SPICE1: variants seen among roughly 807,000 people sequenced by gnomAD.
SPICE1 encodes spindle and centriole-associated protein 1.
SPICE1 carries 75 observed loss-of-function variants against 102.7 expected under a neutral mutation model. The ratio of observed to expected loss-of-function variants is 0.73; its 90% CI spans 0.61 to 0.88. The LOEUF is 0.88. Among genes scored for constraint, SPICE1 ranks in the 40% least tolerant of loss-of-function variants. The pLI, the probability that SPICE1 is intolerant of heterozygous loss-of-function variation, is 0.00. For synonymous variants in SPICE1, 308 were observed against 350.3 expected (o/e 0.88, Z 1.35); for missense variants, 979 against 1,020.1 (o/e 0.96, Z 0.55).
In SPICE1 at chr3:113,499,597, A is replaced by C. The variant is rs1439881839; in HGVS notation, c.148-15T>G. The C allele has an allele frequency of 6.4e-7, 1 of 1,569,028 alleles. No individual in the cohort carries two copies. Among genetic ancestry groups the C allele is most frequent in the Non-Finnish European group, 8.6e-7 (1 of 1,158,566 alleles). On this transcript the variant is annotated splice_polypyrimidine_tract_variant and intron_variant, in intron 3 of 17. Coordinates refer to ENST00000295872, the MANE Select transcript of SPICE1 (RefSeq NM_144718.4). The stretch of plus-strand genomic sequence containing the variant: ...TGACGGCGTACCTATACAGAAGAGA[A>C]AAGTACATAAAGGAATGTTTCAGAC...
intron 12 of SPICE1, 48 bp downstream of exon 12, chr3:113,460,569 G>T (rs775972657): frequency 6.4e-7 from 1 of 1,551,386 alleles, no homozygotes; most frequent in Non-Finnish European, 8.7e-7. Context: ...GTTATCTAAG[G>T]CCATTAAGTA....
At chr3:113,477,939 T>TAATAA (rs200333479) in intron 7 of SPICE1, among the ~76,000 whole-genome samples, 6,250 of 147,116 alleles carry the variant, frequency 0.042, 146 homozygotes, top group East Asian at 0.1. Flanking sequence ...AGTATAATAA[T>TAATAA]AATAAAATAA....
At chr3:113,495,970 G>A (rs72946753) in intron 4 of SPICE1, among the ~76,000 whole-genome samples, 3,441 of 150,752 alleles carry the variant, frequency 0.023, 127 homozygotes, top group African/African-American at 0.079. Flanking sequence ...GTCCAAGCTT[G>A]TCCAACCTGT....
intron 14 of SPICE1, among the ~76,000 whole-genome samples, chr3:113,452,676 T>A (rs929030134): frequency 2.8e-5 from 4 of 145,118 alleles, no homozygotes; most frequent in Non-Finnish European, 4.5e-5. Flanking sequence ...AGAGTGAGAC[T>A]CCATCTCAAA....
At chr3:113,495,189 A>G (rs142359255) in intron 4 of SPICE1, among the ~76,000 whole-genome samples, 225 of 152,342 alleles carry the variant, frequency 1.5e-3, no homozygotes, top group African/African-American at 5.1e-3. Context: ...TAAAAGCCAG[A>G]TAATTCTCTC....
At chr3:113,483,042 G>A (rs553241343) in intron 7 of SPICE1, among the ~76,000 whole-genome samples, 3 of 152,306 alleles carry the variant, frequency 2.0e-5, no homozygotes, top group Non-Finnish European at 4.4e-5. Context: ...CATGAGCATG[G>A]AATGTTTTTC....
At chr3:113,458,767 G>A (rs1483820266) in intron 12 of SPICE1, among the ~76,000 whole-genome samples, 2 of 151,644 alleles carry the variant, frequency 1.3e-5, no homozygotes, top group East Asian at 1.9e-4. Flanking sequence ...AGGAAGTGAG[G>A]AGCATCTCTG....
intron 1 of SPICE1, among the ~76,000 whole-genome samples, chr3:113,510,173 A>C (rs530848765): frequency 6.6e-6 from 1 of 152,226 alleles, no homozygotes; most frequent in South Asian, 2.1e-4. Flanking sequence ...GAATCAATAC[A>C]GTGAAAATAG....
intron 7 of SPICE1, among the ~76,000 whole-genome samples, chr3:113,475,519 G>C (rs1471236024): frequency 6.6e-6 from 1 of 151,928 alleles, no homozygotes; most frequent in Non-Finnish European, 1.5e-5. Context: ...GATGAACATT[G>C]ATGCAAAAAT....
chr3:113,467,599 C>A (rs4682489), intron 10 of SPICE1, among the ~76,000 whole-genome samples: 27,264 of 152,206 alleles, frequency 0.18, 3,185 homozygotes, highest in East Asian at 0.42. Context: ...CCACACCCAG[C>A]CAAACAAAGA....
chr3:113,453,594 T>G lies in SPICE1; in HGVS notation c.2014A>C (p.Ile672Leu), dbSNP rs1195408504. ...LIQRKDIMTR[I>L]ADLTLQNSAI... ...GAATTCTGCAATGTCAAATCAGCAA[T>G]TCGTGTCATTATGTCCTTTCTTTGT... The change falls in exon 14 of 18, where the codon ATT becomes CTT. Residue 672 changes from isoleucine to leucine, a missense_variant. Coordinates refer to ENST00000295872, the MANE Select transcript of SPICE1 (RefSeq NM_144718.4). 1 of 1,614,066 alleles carries G rather than the reference T, an allele frequency of 6.2e-7. No individual in the cohort carries two copies. Among genetic ancestry groups the G allele is most frequent in the African/African-American group, 1.3e-5 (1 of 74,930 alleles).
At chr3:113,505,704 C>A (rs946351854) in intron 2 of SPICE1, among the ~76,000 whole-genome samples, 1 of 152,116 alleles carries the variant, frequency 6.6e-6, no homozygotes, top group African/African-American at 2.4e-5. Context: ...AGTTTAAGAC[C>A]AACCTGGGCA....
In SPICE1 at chr3:113,470,154, CCTT is replaced by C. The variant is rs1402647542; in HGVS notation, c.612-919_612-917del. Among the ~76,000 whole-genome samples, 7 of 152,282 alleles carry C rather than the reference CCTT, an allele frequency of 4.6e-5. No individual in the cohort carries two copies. The East Asian group carries it at 7.7e-4, about 17-fold the overall frequency. ...CTCAAAGTGCTAAAGTTACAGCCTA[CCTT>C]CTTCTGGAGGCTTAGTATAAAAGCA... On this transcript the variant is annotated intron_variant, in intron 7 of 17. Transcript: ENST00000295872.
intron 10 of SPICE1, 72 bp downstream of exon 10, chr3:113,468,067 A>G: frequency 1.9e-6 from 3 of 1,543,386 alleles, no homozygotes; most frequent in Non-Finnish European, 2.6e-6. Flanking sequence ...TGGAGGTTGC[A>G]ATAAATGGAA....
chr3:113,499,362 G>A (rs745352735), intron 4 of SPICE1, 77 bp downstream of exon 4: 2 of 1,459,372 alleles, frequency 1.4e-6, no homozygotes, highest in South Asian at 2.7e-5. Flanking sequence ...TCTCCAACGT[G>A]AATCAAATTG....
At position 113,514,898 on chromosome 3, in the gene SPICE1, TG is replaced by T; in HGVS notation, c.-3del. On this transcript the variant is annotated splice_region_variant and 5_prime_UTR_variant, in exon 1 of 18. Coordinates refer to ENST00000295872, the MANE Select transcript of SPICE1 (RefSeq NM_144718.4). Reference sequence around the variant, plus strand: ...CCAGACACGCACCCTGACACGTACTTGCACTCTCAAAACACAGAGCCGCGGC... The same window carrying T: ...CCAGACACGCACCCTGACACGTACTTCACTCTCAAAACACAGAGCCGCGGC... 1 of 1,184,724 alleles carries T rather than the reference TG, an allele frequency of 8.4e-7. No homozygotes were observed. Among genetic ancestry groups the T allele is most frequent in the Non-Finnish European group, 1.1e-6 (1 of 937,114 alleles). 73.4% of individuals were successfully genotyped at this position (1,184,724 alleles called of 1,614,324 possible).
intron 7 of SPICE1, among the ~76,000 whole-genome samples, chr3:113,473,282 T>A (rs1411319081): frequency 3.9e-5 from 6 of 152,140 alleles, no homozygotes; most frequent in Non-Finnish European, 7.4e-5. Context: ...AATATGGGAC[T>A]ATGTGAAAAG....
chr3:113,485,690 G>T (rs1217715120), intron 7 of SPICE1, among the ~76,000 whole-genome samples: 4 of 152,208 alleles, frequency 2.6e-5, no homozygotes, highest in Admixed American at 6.5e-5. Flanking sequence ...CGGCTCTGAA[G>T]AAAGCAGCGG....
At chr3:113,502,665 A>AG (rs1387642582) in intron 3 of SPICE1, among the ~76,000 whole-genome samples, 1,053 of 101,592 alleles carry the variant, frequency 0.01, 13 homozygotes, top group African/African-American at 0.034. Context: ...TAAATCTTAA[A>AG]AAAAAAAAAA....
Sources: allele counts gnomAD v4.1 joint callset (sites outside exome capture counted in the v4.1 genomes callset), GRCh38; gene constraint gnomAD v4.1.1; transcripts MANE v1.5; gene names NCBI Gene and HGNC (gene_info 2026-07-23, HGNC 2026-07-21).